The following SIPA1L1 variants were observed in gnomAD, a reference collection of about 807,000 sequenced individuals.
SIPA1L1 encodes the protein signal induced proliferation associated 1 like 1, also known as signal-induced proliferation-associated 1-like protein 1.
Under a neutral mutation model 162.7 loss-of-function variants are expected in SIPA1L1, and 26 were observed. The ratio of observed to expected loss-of-function variants is 0.16; its 90% CI spans 0.12 to 0.22. The LOEUF is 0.22. Among genes scored for constraint, SIPA1L1 ranks in the 10% least tolerant of loss-of-function variants. The pLI is 1.00. For synonymous variants in SIPA1L1, 829 were observed against 837.4 expected (o/e 0.99, Z 0.17); for missense variants, 1,874 against 2,241.0 (o/e 0.84, Z 3.31).
chr14:71,709,176 C>T, intron 16 of SIPA1L1, 46 bp from the exon 17 acceptor site: 2 of 1,490,142 alleles, frequency 1.3e-6, no homozygotes, highest in Non-Finnish European at 9.2e-7. Context: ...TTCTCTTGTT[C>T]AGGAAGCAAA....
chr14:71,395,470 G>A (rs2041105735), intron 2 of SIPA1L1, among the ~76,000 whole-genome samples: 1 of 152,148 alleles, frequency 6.6e-6, no homozygotes, highest in Admixed American at 6.5e-5. Context: ...AGACCAGCCA[G>A]GGCAACATAG....
chr14:71,675,614 T>G (rs1596860828), intron 12 of SIPA1L1, among the ~76,000 whole-genome samples: 1 of 152,212 alleles, frequency 6.6e-6, no homozygotes, highest in Non-Finnish European at 1.5e-5. Context: ...TTTCTTCTCC[T>G]CCGCACTTCA....
intron 15 of SIPA1L1, among the ~76,000 whole-genome samples, chr14:71,702,945 T>C (rs980020251): frequency 6.6e-6 from 1 of 152,220 alleles, no homozygotes; most frequent in South Asian, 2.1e-4. Context: ...CTCCCTGATG[T>C]GCTTTTAAAA....
At position 71,709,414 on chromosome 14, in the gene SIPA1L1, GCCTCGCTGGGGGCTGCCACATCGTCA is replaced by G; in HGVS notation, c.3966_3991del (p.Gly1323ArgfsTer16). ...TTATGGCCCCAGCCACGGCAGCACA[GCCTCGCTGGGGGCTGCCACATCGTCA>G]CCTCGCTCAGGGCCAGGCAAGGAGA... On this transcript the variant is annotated frameshift_variant, in exon 17 of 24. Coordinates refer to ENST00000381232, the MANE Select transcript of SIPA1L1 (RefSeq NM_001386936.1). LOFTEE classifies it high-confidence loss of function. The G allele has an allele frequency of 6.2e-7, 1 of 1,614,184 alleles. No homozygotes were observed. Among genetic ancestry groups the G allele is most frequent in the Non-Finnish European group, 8.5e-7 (1 of 1,180,020 alleles).
intron 2 of SIPA1L1, among the ~76,000 whole-genome samples, chr14:71,454,039 C>CCTAGAAAGA (rs1372413995): frequency 4.2e-5 from 6 of 143,650 alleles, no homozygotes; most frequent in Admixed American, 4.2e-4. Flanking sequence ...AAAAAGAAAT[C>CCTAGAAAGA]CTAGAAAGAG....
intron 5 of SIPA1L1, among the ~76,000 whole-genome samples, chr14:71,606,053 T>C (rs2037456913): frequency 6.6e-6 from 1 of 152,046 alleles, no homozygotes; most frequent in African/African-American, 2.4e-5. Context: ...TGATGGCACA[T>C]GAAACACTGG....
At chr14:71,726,703 G>T (rs968074384) in intron 19 of SIPA1L1, among the ~76,000 whole-genome samples, 3 of 152,206 alleles carry the variant, frequency 2.0e-5, no homozygotes, top group African/African-American at 7.2e-5. Flanking sequence ...CAGTGAGAAG[G>T]CTGTAAGCAG....
intron 12 of SIPA1L1, among the ~76,000 whole-genome samples, chr14:71,679,915 G>A (rs2045627210): frequency 1.3e-5 from 2 of 152,184 alleles, no homozygotes; most frequent in South Asian, 4.1e-4. Context: ...CAATACAGGA[G>A]CACCCAGATT....
chr14:71,374,765 A>G (rs1184134120), intron 2 of SIPA1L1, among the ~76,000 whole-genome samples: 2 of 146,162 alleles, frequency 1.4e-5, no homozygotes, highest in African/African-American at 5.1e-5. Flanking sequence ...TTTCACTCCT[A>G]TAGCCTGTAG....
chr14:71,604,051 T>C (rs1298186255), intron 5 of SIPA1L1, among the ~76,000 whole-genome samples: 2 of 148,162 alleles, frequency 1.3e-5, no homozygotes, highest in African/African-American at 5.0e-5. Flanking sequence ...GACTAGAGTG[T>C]AGAGGCCTGA....
chr14:71,414,807 A>G (rs927900639), intron 2 of SIPA1L1, among the ~76,000 whole-genome samples: 5 of 152,330 alleles, frequency 3.3e-5, no homozygotes, highest in African/African-American at 1.2e-4. Flanking sequence ...CCTTTGACTG[A>G]CGTATACTGG....
intron 2 of SIPA1L1, among the ~76,000 whole-genome samples, chr14:71,457,065 A>G (rs186971620): frequency 5.0e-4 from 76 of 152,282 alleles, no homozygotes; most frequent in Admixed American, 5.0e-3. Context: ...TACAGTAAAT[A>G]TCTTTTAAAT....
chr14:71,626,900 A>G (rs936822319), intron 7 of SIPA1L1, among the ~76,000 whole-genome samples: 30 of 152,078 alleles, frequency 2.0e-4, no homozygotes, highest in African/African-American at 7.0e-4. Flanking sequence ...TTTTACCACT[A>G]TCAAAAGCTA....
At chr14:71,557,896 T>A (rs1014705176) in intron 4 of SIPA1L1, among the ~76,000 whole-genome samples, 1 of 152,194 alleles carries the variant, frequency 6.6e-6, no homozygotes, top group Non-Finnish European at 1.5e-5. Context: ...GAAGTGAAAA[T>A]GCTTCCAATT....
chr14:71,693,627 G>A (rs2081406005), intron 13 of SIPA1L1, among the ~76,000 whole-genome samples: 1 of 152,140 alleles, frequency 6.6e-6, no homozygotes, highest in Non-Finnish European at 1.5e-5. Flanking sequence ...GGCACGAGTT[G>A]CTTGAAGTTG....
chr14:71,709,922 C>G (rs527983740), intron 17 of SIPA1L1, among the ~76,000 whole-genome samples: 7 of 152,182 alleles, frequency 4.6e-5, no homozygotes, highest in African/African-American at 1.7e-4. Flanking sequence ...AAATAATGTT[C>G]CTGGCTACTA....
intron 2 of SIPA1L1, among the ~76,000 whole-genome samples, chr14:71,337,230 C>T (rs1376110770): frequency 3.9e-5 from 6 of 152,164 alleles, no homozygotes; most frequent in South Asian, 2.1e-4. Flanking sequence ...TGTCCTCTTC[C>T]GTCCTATTCT....
intron 2 of SIPA1L1, among the ~76,000 whole-genome samples, chr14:71,480,453 TAAA>T (rs71448367): frequency 4.0e-5 from 5 of 124,714 alleles, no homozygotes; most frequent in Non-Finnish European, 5.1e-5. Context: ...CTCTTAGTCT[TAAA>T]AAAAAAAAAA....
intron 17 of SIPA1L1, among the ~76,000 whole-genome samples, chr14:71,723,371 T>C (rs768027164): frequency 2.6e-5 from 4 of 152,204 alleles, no homozygotes; most frequent in Non-Finnish European, 5.9e-5. Context: ...GTGGTGCCAA[T>C]GTGAAAAAAG....
Sources: allele counts gnomAD v4.1 joint callset (sites outside exome capture counted in the v4.1 genomes callset), GRCh38; gene constraint gnomAD v4.1.1; transcripts MANE v1.5; gene names NCBI Gene and HGNC (gene_info 2026-07-23, HGNC 2026-07-21).